Variants in UACA observed in about 807,000 individuals in gnomAD.
UACA encodes the protein nuclear membrane binding protein.
In UACA, 112 loss-of-function variants were observed where a neutral mutation model predicts 160.5. The observed-to-expected ratio is 0.70, with a 90% CI of 0.60 to 0.82. The LOEUF (loss-of-function observed/expected upper bound fraction) is 0.82, where lower values mean the gene tolerates loss of function less well. Ranked by LOEUF, UACA falls within the 40% of genes least tolerant of loss-of-function variation. UACA has a pLI of 0.00. For missense variants in UACA, 1,574 were observed against 1,614.6 expected, an observed-to-expected ratio of 0.97 and a Z score of 0.43; for synonymous variants, 557 against 568.4, an observed-to-expected ratio of 0.98 and a Z score of 0.29.
In UACA at chr15:70,745,803, C is replaced by T. The variant is rs530281025; in HGVS notation, c.78+17527G>A. Among the ~76,000 whole-genome samples, 3 of 132,728 alleles carry T rather than the reference C, an allele frequency of 2.3e-5. 1 individual carries two copies. The highest frequency in any genetic ancestry group is 7.6e-5 in the African/African-American group (3 of 39,658). The allele number at this position is 132,728 out of a possible 152,430, so 87.1% of individuals were successfully genotyped here. On this transcript the variant is annotated intron_variant, in intron 1 of 18. Coordinates refer to ENST00000322954, the MANE Select transcript of UACA (RefSeq NM_018003.4). ...AACAGAACAGAGGCCTCTGAAATAA[C>T]ACCACACATCTACAACCATCTGACC...
intron 1 of UACA, chr15:70,702,104 T>C (rs575744691): frequency 3.0e-6 from 4 of 1,336,166 alleles, no homozygotes; most frequent in African/African-American, 3.0e-5. Flanking sequence ...TCCGCCTTCA[T>C]AACGCTCGAA....
chr15:70,657,226 T>C (rs1896504533), intron 18 of UACA, 99 bp from the exon 19 acceptor site: 1 of 899,666 alleles, frequency 1.1e-6, no homozygotes, highest in Admixed American at 2.0e-5. Flanking sequence ...TAGTCATTGA[T>C]TCATCAAATG....
intron 1 of UACA, among the ~76,000 whole-genome samples, chr15:70,744,264 A>AAG (rs1555416603): frequency 6.6e-6 from 1 of 150,630 alleles, no homozygotes; most frequent in Admixed American, 6.6e-5. Context: ...AAAAAAAAAA[A>AAG]AAAAGAAAGA....
chr15:70,768,466 T>G (rs1451121577), upstream of UACA: 1 of 152,238 alleles, frequency 6.6e-6, no homozygotes, highest in African/African-American at 2.4e-5. Context: ...AGATAACCAC[T>G]GTGTTTTCTT....
intron 1 of UACA, among the ~76,000 whole-genome samples, chr15:70,740,148 C>T (rs894406741): frequency 7.3e-6 from 1 of 136,898 alleles, no homozygotes; most frequent in Non-Finnish European, 1.6e-5. Flanking sequence ...TGTTATGAAA[C>T]TATATAAATC....
At chr15:70,715,248 T>G (rs961797957) in intron 1 of UACA, among the ~76,000 whole-genome samples, 9 of 152,178 alleles carry the variant, frequency 5.9e-5, no homozygotes, top group Admixed American at 1.3e-4. Context: ...ATAGTTACGG[T>G]GAATTTTAAC....
intron 1 of UACA, among the ~76,000 whole-genome samples, chr15:70,743,492 A>C (rs1441080222): frequency 2.6e-5 from 4 of 152,216 alleles, no homozygotes; most frequent in African/African-American, 4.8e-5. Flanking sequence ...GCAGTCAAAA[A>C]GCTTAAAGAG....
At chr15:70,756,453 AC>A (rs1035052045) in intron 1 of UACA, among the ~76,000 whole-genome samples, 13 of 151,728 alleles carry the variant, frequency 8.6e-5, no homozygotes, top group African/African-American at 3.1e-4. Flanking sequence ...GAGCCACTGT[AC>A]CCAGCCCCAA....
rs79724871 is a variant in UACA, at chr15:70,668,466, T to C, written c.2218A>G (p.Met740Val). The C allele has an allele frequency of 6.2e-7, 1 of 1,612,260 alleles. No individual in the cohort carries two copies. The highest frequency in any genetic ancestry group is 8.5e-7 in the Non-Finnish European group (1 of 1,179,880). ...TTTAAAGGAACATAATGATTTTTCA[T>C]TTCAATTGTTAAGTTATGTGCTTGC... The part of the protein sequence containing the change: ...KEQAHNLTIE[M>V]KNHYVPLKVS... Residue 740 changes from methionine (M) to valine (V), a missense_variant, in exon 16 of 19, where the codon ATG becomes GTG. Transcript: ENST00000322954.
chr15:70,702,092 T>C (rs1458629150), intron 1 of UACA: 5 of 1,351,170 alleles, frequency 3.7e-6, no homozygotes, highest in Admixed American at 3.5e-5. Flanking sequence ...TCAGGATCCT[T>C]CTCCGCCTTC....
intron 1 of UACA, among the ~76,000 whole-genome samples, chr15:70,759,119 A>G (rs1181277021): frequency 2.0e-5 from 3 of 152,170 alleles, no homozygotes; most frequent in Non-Finnish European, 2.9e-5. Flanking sequence ...AAGCAATCCA[A>G]TTTAAAGTGG....
intron 1 of UACA, among the ~76,000 whole-genome samples, chr15:70,714,614 T>A (rs1398838255): frequency 6.6e-6 from 1 of 152,166 alleles, no homozygotes; most frequent in Non-Finnish European, 1.5e-5. Context: ...AAGATGATGA[T>A]GTTTTAAATA....
chr15:70,695,196 A>T (rs1169573903), intron 2 of UACA, 91 bp from the exon 3 acceptor site: 2 of 778,506 alleles, frequency 2.6e-6, no homozygotes, highest in Middle Eastern at 2.4e-4. Flanking sequence ...CAACACACAC[A>T]CACGCACACA....
At chr15:70,670,979 TAA>T in intron 15 of UACA, 58 bp downstream of exon 15, 1 of 1,149,580 alleles carries the variant, frequency 8.7e-7, no homozygotes. Context: ...CCTCTCTTTA[TAA>T]AGGCACAAAA....
At chr15:70,673,513 T>C (rs1897206902) in intron 13 of UACA, among the ~76,000 whole-genome samples, 1 of 152,210 alleles carries the variant, frequency 6.6e-6, no homozygotes, top group Non-Finnish European at 1.5e-5. Context: ...AAGCTCTTTG[T>C]TCTATGGAAT....
intron 10 of UACA, among the ~76,000 whole-genome samples, 176 bp downstream of exon 10, chr15:70,679,432 A>AAATAAATAAATGAATG (rs911434880): frequency 6.6e-6 from 1 of 150,856 alleles, no homozygotes; most frequent in Non-Finnish European, 1.5e-5. Context: ...ATAAATAAAT[A>AAATAAATAAATGAATG]AATAAATAGA....
At chr15:70,767,256 ACAAAAAACAAAAACAAAAAC>A (rs1233464187), upstream of UACA, among the ~76,000 whole-genome samples, 10 of 133,514 alleles carry the variant, frequency 7.5e-5, no homozygotes, top group African/African-American at 2.9e-4. Flanking sequence ...AAAAAAAAAA[ACAAAAAACAAAAACAAAAAC>A]AACAACAATA....
intron 1 of UACA, among the ~76,000 whole-genome samples, chr15:70,761,918 G>C (rs1309948734): frequency 6.6e-6 from 1 of 152,068 alleles, no homozygotes; most frequent in Admixed American, 6.5e-5. Flanking sequence ...CACAACCAGG[G>C]AAAACAAAGC....
At position 70,711,035 on chromosome 15, in the gene UACA, T is replaced by C. The variant is rs79344840; in HGVS notation, c.79-11375A>G. On this transcript the variant is annotated intron_variant, in intron 1 of 18. Coordinates refer to ENST00000322954, the MANE Select transcript of UACA (RefSeq NM_018003.4). ...GACCAGTCCCCATCCTGAAACTATCTAGGGGCTCCCAGTCATCTCATTAGC... is the reference window on the plus strand; with the variant it reads ...GACCAGTCCCCATCCTGAAACTATCCAGGGGCTCCCAGTCATCTCATTAGC... Among the ~76,000 whole-genome samples, 1,303 of 152,258 alleles carry C rather than the reference T, an allele frequency of 8.6e-3. 116 individuals are homozygous for C. In the East Asian group the frequency reaches 0.19, roughly 22 times the overall value.
Sources: gnomAD v4.1 joint callset for allele counts (sites outside exome capture counted in the v4.1 genomes callset) on GRCh38, gnomAD v4.1.1 for gene constraint, MANE v1.5 for transcripts, NCBI Gene and HGNC (gene_info 2026-07-23, HGNC 2026-07-21) for gene names.